STX18: variants seen among roughly 807,000 people sequenced by gnomAD.
STX18 encodes the protein syntaxin 18.
STX18 carries 40 observed loss-of-function variants against 50.1 expected under a neutral mutation model. That is an observed-to-expected ratio of 0.80 (90% CI 0.62 to 1.04). STX18 has a LOEUF of 1.04. Ranked by LOEUF, STX18 falls within the 50% of genes least tolerant of loss-of-function variation. The pLI is 0.00. For synonymous variants in STX18, 158 were observed against 151.8 expected, an observed-to-expected ratio of 1.04 and a Z score of -0.30; for missense variants, 410 against 415.8, an observed-to-expected ratio of 0.99 and a Z score of 0.12.
intron 9 of STX18, among the ~76,000 whole-genome samples, chr4:4,421,207 C>G (rs528294210): frequency 2.0e-5 from 3 of 152,176 alleles, no homozygotes; most frequent in Non-Finnish European, 4.4e-5. Context: ...CAAATCCTCA[C>G]AGCACCCCAA....
chr4:4,438,369 G>A, intron 6 of STX18, 25 bp downstream of exon 6: 1 of 1,519,070 alleles, frequency 6.6e-7, no homozygotes, highest in Non-Finnish European at 9.1e-7. Flanking sequence ...GAAATGCAAG[G>A]TGAGATTTTC....
intron 1 of STX18, among the ~76,000 whole-genome samples, chr4:4,536,623 A>G (rs977245891): frequency 6.6e-6 from 1 of 152,176 alleles, no homozygotes; most frequent in Non-Finnish European, 1.5e-5. Context: ...AAGAGGCCAG[A>G]ATAGCTGGAG....
chr4:4,519,428 C>T (rs1730418946), intron 1 of STX18, among the ~76,000 whole-genome samples: 2 of 151,296 alleles, frequency 1.3e-5, no homozygotes, highest in Non-Finnish European at 2.9e-5. Flanking sequence ...AAATGTTAAG[C>T]TTTATGGAAA....
intron 1 of STX18, among the ~76,000 whole-genome samples, chr4:4,509,313 T>A (rs1468770329): frequency 6.6e-6 from 1 of 152,178 alleles, no homozygotes; most frequent in Non-Finnish European, 1.5e-5. Context: ...TAATGATCAG[T>A]GATGCTGAGC....
intron 5 of STX18, chr4:4,453,530 T>A (rs1290451896): frequency 9.6e-6 from 2 of 207,908 alleles, no homozygotes; most frequent in African/African-American, 2.4e-5. Context: ...CTTTATAGTA[T>A]AAACATAGCT....
intron 5 of STX18, among the ~76,000 whole-genome samples, chr4:4,448,270 G>T (rs1726537569): frequency 6.6e-6 from 1 of 152,188 alleles, no homozygotes; most frequent in Non-Finnish European, 1.5e-5. Context: ...CATTTACAAT[G>T]GGATTTGGAG....
chr4:4,460,797 G>A (rs1337011189), intron 2 of STX18, among the ~76,000 whole-genome samples: 1 of 152,080 alleles, frequency 6.6e-6, no homozygotes, highest in African/African-American at 2.4e-5. Context: ...GACTCTGTCC[G>A]AGGGAAGACC....
At chr4:4,514,909 G>A (rs1231560141) in intron 1 of STX18, among the ~76,000 whole-genome samples, 3 of 152,134 alleles carry the variant, frequency 2.0e-5, no homozygotes, top group African/African-American at 7.2e-5. Context: ...ATCCTAAGAA[G>A]CATACAATGG....
At chr4:4,481,531 C>A (rs1032003694) in intron 1 of STX18, 1 of 152,148 alleles carries the variant, frequency 6.6e-6, no homozygotes, top group African/African-American at 2.4e-5. Flanking sequence ...GCCAAAGGCA[C>A]AGCCAGAAAA....
At chr4:4,501,331 C>T (rs1729449518) in intron 1 of STX18, among the ~76,000 whole-genome samples, 1 of 152,204 alleles carries the variant, frequency 6.6e-6, no homozygotes, top group Non-Finnish European at 1.5e-5. Flanking sequence ...AGCACCCCTC[C>T]CAGCCTCCTA....
In STX18 at chr4:4,420,291, A is replaced by G; in HGVS notation, c.913-162T>C. The stretch of plus-strand genomic sequence containing the variant: ...GAATAGATGGCTTTTGAGATCCACC[A>G]GAAGACAAATGGGTTATATTTCCCT... On this transcript the variant is annotated intron_variant, in intron 10 of 10. Coordinates refer to ENST00000306200, the MANE Select transcript of STX18 (RefSeq NM_016930.4). This position sits in a 1 kb window ranked among gnomAD's most constrained non-coding sequence, Gnocchi z 4.3. The G allele has an allele frequency of 1.6e-6, 1 of 607,504 alleles. No individual in the cohort carries two copies. The highest frequency in any genetic ancestry group is 2.9e-6 in the Non-Finnish European group (1 of 340,752). 37.6% of individuals were successfully genotyped at this position (607,504 alleles called of 1,614,324 possible). A position where few individuals can be genotyped will look rare whatever the true frequency, so the allele number is the denominator to read the frequency against.
At chr4:4,491,348 A>G (rs908063216) in intron 1 of STX18, among the ~76,000 whole-genome samples, 3 of 152,150 alleles carry the variant, frequency 2.0e-5, no homozygotes, top group Non-Finnish European at 2.9e-5. Flanking sequence ...ATTTTACTAT[A>G]TAAGGCTCAA....
chr4:4,428,164 G>A (rs544954278), intron 7 of STX18, among the ~76,000 whole-genome samples: 4 of 152,360 alleles, frequency 2.6e-5, no homozygotes, highest in South Asian at 4.1e-4. Flanking sequence ...GTTGCCAGGT[G>A]GCAGGCATAG....
Position 4,419,837 on chromosome 4 carries a change from C to T in STX18, c.*197G>A, listed in dbSNP as rs1724832881. 1.9e-6 allele frequency: 1 copy of T among 529,106 alleles called. No homozygotes were observed. The highest frequency in any genetic ancestry group is 2.1e-5 in the South Asian group (1 of 47,234). 32.8% of individuals were successfully genotyped at this position (529,106 alleles called of 1,614,324 possible). A position where few individuals can be genotyped will look rare whatever the true frequency, so the allele number is the denominator to read the frequency against. ...CATTGGTGTGCACTGTTTCCTTTTT[C>T]AGCTGCTAAATGGCTGAACACCATC... On this transcript the variant is annotated 3_prime_UTR_variant, in exon 11 of 11. Transcript: ENST00000306200.
At chr4:4,466,270 G>A (rs1727617887) in intron 2 of STX18, among the ~76,000 whole-genome samples, 1 of 152,278 alleles carries the variant, frequency 6.6e-6, no homozygotes, top group South Asian at 2.1e-4. Context: ...GTGGATTGGA[G>A]TGAAGAGCAA....
In STX18 at chr4:4,510,304, A is replaced by G. The variant is rs574899263; in HGVS notation, c.168+31493T>C. ...TCCCCAGTCATAGTTTTTTAAAAAAATTAGTCAAAGAAAGTTAAGAAAAAA... is the reference window on the plus strand; with the variant it reads ...TCCCCAGTCATAGTTTTTTAAAAAAGTTAGTCAAAGAAAGTTAAGAAAAAA... On this transcript the variant is annotated intron_variant, in intron 1 of 10. Coordinates refer to ENST00000306200, the MANE Select transcript of STX18 (RefSeq NM_016930.4). Among the ~76,000 whole-genome samples the G allele has an allele frequency of 3.9e-5, 6 of 152,330 alleles. No individual in the cohort carries two copies. In the South Asian group the frequency reaches 1.0e-3, roughly 26 times the overall value.
intron 1 of STX18, among the ~76,000 whole-genome samples, chr4:4,534,523 C>T (rs1324264242): frequency 6.6e-6 from 1 of 152,220 alleles, no homozygotes; most frequent in Non-Finnish European, 1.5e-5. Flanking sequence ...CCATCCAACC[C>T]TACTGTCACC....
At chr4:4,509,164 T>C (rs1172704045) in intron 1 of STX18, among the ~76,000 whole-genome samples, 1 of 152,174 alleles carries the variant, frequency 6.6e-6, no homozygotes, top group Non-Finnish European at 1.5e-5. Context: ...TTGAACTAAT[T>C]TACACTCCCA....
intron 1 of STX18, among the ~76,000 whole-genome samples, chr4:4,518,637 G>T (rs1027533367): frequency 5.3e-5 from 8 of 152,052 alleles, no homozygotes; most frequent in Non-Finnish European, 1.0e-4. Flanking sequence ...AGATATACAA[G>T]CTATAAATTA....
Sources: gnomAD v4.1 joint callset for allele counts (sites outside exome capture counted in the v4.1 genomes callset) on GRCh38, gnomAD v4.1.1 for gene constraint, Gnocchi (gnomAD v3.1) non-coding constraint, MANE v1.5 for transcripts, NCBI Gene and HGNC (gene_info 2026-07-23, HGNC 2026-07-21) for gene names.